The following ASPRV1 variants were observed in gnomAD, a reference collection of about 807,000 sequenced individuals.
ASPRV1 encodes the protein aspartic peptidase retroviral like 1.
In ASPRV1, 7 loss-of-function variants were observed where a neutral mutation model predicts 11.0. The ratio of observed to expected loss-of-function variants is 0.64; its 90% confidence interval spans 0.36 to 1.20. The LOEUF is 1.20. Ranked by LOEUF, ASPRV1 falls within the 50% of genes most tolerant of loss-of-function variation. The pLI, the probability that ASPRV1 is intolerant of heterozygous loss-of-function variation, is 0.02. For synonymous variants in ASPRV1, 136 were observed against 138.4 expected, an observed-to-expected ratio of 0.98 and a Z score of 0.12; for missense variants, 299 against 320.0, an observed-to-expected ratio of 0.93 and a Z score of 0.50.
At chr2:70,034,079 C>T in the ASPRV1 span, among the ~76,000 whole-genome samples, 466 of 142,312 alleles carry the variant, frequency 3.3e-3, 2 homozygotes, top group Middle Eastern at 0.012. Context: ...GCGTGAACCC[C>T]GGGGGGTGGA....
At chr2:70,014,738 T>C in the ASPRV1 span, 3 of 138,274 alleles carry the variant, frequency 2.2e-5, no homozygotes, top group South Asian at 4.5e-4. Context: ...AGGTCGAGAC[T>C]GCAGTGAGCC....
the ASPRV1 span, among the ~76,000 whole-genome samples, chr2:69,933,485 A>G: frequency 2.2e-5 from 3 of 136,944 alleles, no homozygotes; most frequent in Non-Finnish European, 4.6e-5. Flanking sequence ...CAGGTTTTTC[A>G]GAAGAAGTGA....
At chr2:70,005,038 C>T in the ASPRV1 span, among the ~76,000 whole-genome samples, 1 of 151,266 alleles carries the variant, frequency 6.6e-6, no homozygotes, top group South Asian at 2.1e-4. Context: ...CACCCTCACA[C>T]AGAGAGGTTC....
the ASPRV1 span, among the ~76,000 whole-genome samples, chr2:69,944,783 T>C: frequency 2.5e-4 from 37 of 149,088 alleles, no homozygotes; most frequent in Non-Finnish European, 4.9e-4. Context: ...CTTCCCTCTG[T>C]GCCTATTGTG....
At chr2:70,010,242 G>T in the ASPRV1 span, among the ~76,000 whole-genome samples, 6 of 152,164 alleles carry the variant, frequency 3.9e-5, no homozygotes, top group East Asian at 1.2e-3. Context: ...AAGTGGAAAA[G>T]CTCTAAGGAC....
chr2:70,062,221 C>T, the ASPRV1 span, among the ~76,000 whole-genome samples: 5 of 151,982 alleles, frequency 3.3e-5, no homozygotes, highest in African/African-American at 1.2e-4. Flanking sequence ...AGGAGAACTG[C>T]TTGAACCTGG....
the ASPRV1 span, chr2:69,988,910 C>A: frequency 4.9e-6 from 2 of 411,864 alleles, no homozygotes; most frequent in South Asian, 3.4e-5. Context: ...GTACCCAGAA[C>A]GGCTCTCCTG....
At chr2:70,020,718 G>T in the ASPRV1 span, among the ~76,000 whole-genome samples, 7 of 151,774 alleles carry the variant, frequency 4.6e-5, no homozygotes, top group African/African-American at 1.7e-4. Context: ...CTCCAGCCTG[G>T]GCAAAAAAAA....
At chr2:70,086,801 C>T in the ASPRV1 span, among the ~76,000 whole-genome samples, 1 of 152,244 alleles carries the variant, frequency 6.6e-6, no homozygotes, top group African/African-American at 2.4e-5. Context: ...CTTTTTAGGA[C>T]CACGTTTCTA....
the ASPRV1 span, chr2:69,937,057 A>G: frequency 1.1e-3 from 905 of 818,382 alleles, 19 homozygotes; most frequent in East Asian, 0.02. Context: ...GAAGAGTCAG[A>G]CGAAGCCAGG....
chr2:69,986,562 G>T, the ASPRV1 span, among the ~76,000 whole-genome samples: 1 of 152,234 alleles, frequency 6.6e-6, no homozygotes, highest in Admixed American at 6.5e-5. Flanking sequence ...CTGGAAGTGG[G>T]ATGACAACTT....
At chr2:70,012,910 G>A in the ASPRV1 span, among the ~76,000 whole-genome samples, 1 of 152,166 alleles carries the variant, frequency 6.6e-6, no homozygotes, top group Non-Finnish European at 1.5e-5. Context: ...AATGAATTAA[G>A]TGAACCTGTC....
the ASPRV1 span, chr2:69,938,597 C>T: frequency 1.7e-4 from 43 of 250,846 alleles, 1 homozygote; most frequent in East Asian, 1.1e-4. Context: ...TTGCTCTCCT[C>T]GTGTCCTCTC....
At chr2:70,036,388 G>A in the ASPRV1 span, among the ~76,000 whole-genome samples, 23,092 of 151,902 alleles carry the variant, frequency 0.15, 2,724 homozygotes, top group East Asian at 0.3. Flanking sequence ...TTAGTAAGCT[G>A]TAATGGCAAT....
At chr2:69,951,002 G>A in the ASPRV1 span, among the ~76,000 whole-genome samples, 1 of 151,908 alleles carries the variant, frequency 6.6e-6, no homozygotes, top group Non-Finnish European at 1.5e-5. Context: ...AAGAACGAGA[G>A]AGTGAAAGAG....
At chr2:69,940,945 A>G in the ASPRV1 span, 2 of 152,646 alleles carry the variant, frequency 1.3e-5, no homozygotes, top group African/African-American at 4.8e-5. Context: ...CTGATCCACC[A>G]GCCTGACTGC....
chr2:69,979,871 C>G, the ASPRV1 span, among the ~76,000 whole-genome samples: 1 of 152,196 alleles, frequency 6.6e-6, no homozygotes, highest in East Asian at 1.9e-4. Context: ...CCACATTGCT[C>G]TCTACAACAC....
In ASPRV1 at chr2:69,960,570, C is replaced by T. The variant is rs560820939; in HGVS notation, c.*87G>A. 1.1e-5 allele frequency: 15 copies of T among 1,390,826 alleles called. No individual in the cohort carries two copies. Among genetic ancestry groups the T allele is most frequent in the South Asian group, 1.3e-5 (1 of 76,104 alleles). 86.2% of individuals were successfully genotyped at this position (1,390,826 alleles called of 1,614,324 possible). The stretch of plus-strand genomic sequence containing the variant: ...GAGTTGATAAGCAGACTGGCCAAGC[C>T]CAGTGACCCCCATGAGGATATGCAA... On this transcript the variant is annotated 3_prime_UTR_variant, in exon 1 of 1. Transcript: ENST00000320256.
the ASPRV1 span, among the ~76,000 whole-genome samples, chr2:70,007,365 T>A: frequency 6.6e-6 from 1 of 151,944 alleles, no homozygotes; most frequent in Admixed American, 6.5e-5. Context: ...TTTAAAAAAA[T>A]ACAAAATGAG....
Sources: allele counts gnomAD v4.1 joint callset (sites outside exome capture counted in the v4.1 genomes callset), GRCh38; gene constraint gnomAD v4.1.1; transcripts MANE v1.5; gene names NCBI Gene and HGNC (gene_info 2026-07-23, HGNC 2026-07-21).